The following RET variants were observed in gnomAD, a reference collection of about 807,000 sequenced individuals.
RET encodes ret proto-oncogene.
In RET, 19 loss-of-function variants were observed where a neutral mutation model predicts 118.3. The observed-to-expected ratio is 0.16, with a 90% CI of 0.11 to 0.24. The LOEUF (loss-of-function observed/expected upper bound fraction) is 0.24. Among genes scored for constraint, RET ranks in the 10% least tolerant of loss-of-function variants. RET has a pLI of 1.00. For missense variants in RET, 1,219 were observed against 1,502.1 expected (o/e 0.81, Z 3.12); for synonymous variants, 597 against 644.1 (o/e 0.93, Z 1.11).
chr10:43,123,912 TG>T lies in RET; in HGVS notation c.2939+110del, dbSNP rs201104591. 73,077 of 1,551,894 alleles carry T rather than the reference TG, an allele frequency of 0.047. 2,107 individuals are homozygous for T. Among genetic ancestry groups the T allele is most frequent in the South Asian group, 0.093 (8,274 of 88,732 alleles). On this transcript the variant is annotated intron_variant, in intron 17 of 19. Coordinates refer to ENST00000355710, the MANE Select transcript of RET (RefSeq NM_020975.6). Reference sequence around the variant, plus strand: ...CAGCCCCAGGAGAAACCAGGAGAAGTGGGGGGTGGGGAGTGGGCAGGGCAGA... The same window carrying T: ...CAGCCCCAGGAGAAACCAGGAGAAGTGGGGGTGGGGAGTGGGCAGGGCAGA...
In RET at chr10:43,124,934, G is replaced by A. The variant is rs1564501216; in HGVS notation, c.2991G>A (p.Val997=). ...AGCAGGAGCCGGACAAAAGGCCGGT[G>A]TTTGCGGACATCAGCAAAGACCTGG... ...CWKQEPDKRP[V]FADISKDLEK... Residue 997 remains valine (V), a synonymous_variant, in exon 18 of 20, where the codon GTG becomes GTA. Transcript: ENST00000355710. 2.5e-6 allele frequency: 4 copies of A among 1,614,232 alleles called. No homozygotes were observed. Among genetic ancestry groups the A allele is most frequent in the Non-Finnish European group, 1.7e-6 (2 of 1,180,042 alleles).
rs1838339827 is a variant in RET at position 43,126,693 on chromosome 10, C to T, written c.3158C>T (p.Pro1053Leu). The change falls in exon 19 of 20, where the codon CCT (proline) becomes CTT (leucine). Residue 1053 changes from proline to leucine, a missense_variant. Physicochemically the swap from Pro to Leu is moderately conservative, Grantham distance 98. Transcript: ENST00000355710. The part of the protein sequence containing the change: ...CNNAPLPRAL[P>L]STWIENKLYG... The stretch of plus-strand genomic sequence containing the variant: ...AATGCCCCCCTCCCTCGAGCCCTCC[C>T]TTCCACATGGATTGAAAACAAACTC... The T allele has an allele frequency of 1.9e-6, 3 of 1,614,110 alleles. No homozygotes were observed. The highest frequency in any genetic ancestry group is 2.5e-6 in the Non-Finnish European group (3 of 1,180,016).
intron 3 of RET, among the ~76,000 whole-genome samples, chr10:43,104,539 G>T (rs759802305): frequency 6.6e-6 from 1 of 152,158 alleles, no homozygotes; most frequent in Non-Finnish European, 1.5e-5. Flanking sequence ...AGCAGCCAAG[G>T]CCAGTAGCTG....
chr10:43,097,212 G>A (rs921667951), intron 1 of RET, among the ~76,000 whole-genome samples: 4 of 152,158 alleles, frequency 2.6e-5, no homozygotes, highest in Admixed American at 2.6e-4. Context: ...ACCACTAAAG[G>A]TGCTTGCACA....
In RET at chr10:43,126,608, G is replaced by A. The variant is rs2133033949; in HGVS notation, c.3073G>A (p.Asp1025Asn). The change falls in exon 19 of 20, where the codon GAC becomes AAC. Residue 1025 changes from aspartate to asparagine, a missense_variant. Asp to Asn is a conservative substitution (Grantham distance 23). Coordinates refer to ENST00000355710, the MANE Select transcript of RET (RefSeq NM_020975.6). Reference protein sequence around the residue: ...YLDLAASTPSDSLIYDDGLSE... With the variant: ...YLDLAASTPSNSLIYDDGLSE... Reference sequence around the variant, plus strand: ...GGACCTTGCGGCGTCCACTCCATCTGACTCCCTGATTTATGACGACGGCCT... The same window carrying A: ...GGACCTTGCGGCGTCCACTCCATCTAACTCCCTGATTTATGACGACGGCCT... The A allele has an allele frequency of 6.2e-7, 1 of 1,614,160 alleles. No homozygotes were observed. The highest frequency in any genetic ancestry group is 1.1e-5 in the South Asian group (1 of 91,080).
Position 43,114,771 on chromosome 10 carries a change from C to T in RET, c.2136+35C>T, listed in dbSNP as rs1838034141. On this transcript the variant is annotated intron_variant, in intron 11 of 19. Coordinates refer to ENST00000355710, the MANE Select transcript of RET (RefSeq NM_020975.6). This position sits in a 1 kb window ranked among gnomAD's most constrained non-coding sequence, Gnocchi z 4.6. ...CCTGCGGGGCAGGGAAGATCCCCTG[C>T]CCTCCCCAGCTGCCTTCCAGGGAGG... 6.3e-7 allele frequency: 1 copy of T among 1,578,906 alleles called. No individual in the cohort carries two copies. The highest frequency in any genetic ancestry group is 8.6e-7 in the Non-Finnish European group (1 of 1,166,420).
chr10:43,111,538 G>A, intron 7 of RET, 73 bp downstream of exon 7: 1 of 1,515,932 alleles, frequency 6.6e-7, no homozygotes, highest in South Asian at 1.2e-5. Context: ...TGCCCTTTGA[G>A]AAAAGCAGTA....
rs756858300 is a variant in RET at position 43,100,546 on chromosome 10, A to G, written c.161A>G (p.His54Arg). The change falls in exon 2 of 20, where the codon CAT becomes CGT. Residue 54 changes from histidine (H) to arginine (R), a missense_variant. His to Arg is a conservative substitution (Grantham distance 29). This residue lies in a region of RET where 84 missense variants were observed against 163.6 expected (regional missense o/e 0.51). Transcript: ENST00000355710. ...GCCGGCACGCCCTTGCTGTACGTCCATGCCCTGCGGGACGCCCCTGAGGAG... is the reference window on the plus strand; with the variant it reads ...GCCGGCACGCCCTTGCTGTACGTCCGTGCCCTGCGGGACGCCCCTGAGGAG... ...QAAGTPLLYV[H>R]ALRDAPEEVP... The G allele has an allele frequency of 6.2e-7, 1 of 1,613,922 alleles. No homozygotes were observed. Among genetic ancestry groups the G allele is most frequent in the Non-Finnish European group, 8.5e-7 (1 of 1,180,016 alleles).
rs1190189942 is a variant in RET, at chr10:43,111,254, C to T, written c.1311C>T (p.Asn437=). The change falls in exon 7 of 20, where the codon AAC becomes AAT. Residue 437 remains asparagine (N), a synonymous_variant. Transcript: ENST00000355710. ...ACTGCCAGGCATTCAGTGGCATCAACGTCCAGTACAAGCTGCATTCCTCTG... is the reference window on the plus strand; with the variant it reads ...ACTGCCAGGCATTCAGTGGCATCAATGTCCAGTACAAGCTGCATTCCTCTG... ...VENCQAFSGI[N]VQYKLHSSGA... 3.7e-6 allele frequency: 6 copies of T among 1,614,174 alleles called. No homozygotes were observed. The highest frequency in any genetic ancestry group is 2.2e-5 in the East Asian group (1 of 44,886).
At chr10:43,097,330 A>G (rs1837542627) in intron 1 of RET, among the ~76,000 whole-genome samples, 1 of 152,200 alleles carries the variant, frequency 6.6e-6, no homozygotes, top group Non-Finnish European at 1.5e-5. Context: ...GGGCATCACC[A>G]GAGCCACCCC....
chr10:43,129,850 CTGTT>C lies in RET; in HGVS notation c.*1583_*1586del. ...ACACGTAACCTGGCTCTAATTTGGGCTGTTTTTCAGATACACTGTGATAAGTTCT... is the reference window on the plus strand; with the variant it reads ...ACACGTAACCTGGCTCTAATTTGGGCTTTCAGATACACTGTGATAAGTTCT... On this transcript the variant is annotated 3_prime_UTR_variant, in exon 20 of 20. Coordinates refer to ENST00000355710, the MANE Select transcript of RET (RefSeq NM_020975.6). 1 of 396,292 alleles carries C rather than the reference CTGTT, an allele frequency of 2.5e-6. No individual in the cohort carries two copies. The highest frequency in any genetic ancestry group is 1.3e-4 in the South Asian group (1 of 7,414). The allele number at this position is 396,292 out of a possible 1,614,324, so 24.5% of individuals were successfully genotyped here.
chr10:43,085,940 T>C (rs2132553911), intron 1 of RET, among the ~76,000 whole-genome samples: 1 of 152,270 alleles, frequency 6.6e-6, no homozygotes, highest in African/African-American at 2.4e-5. Flanking sequence ...AAACCTACTG[T>C]CTCAGAGGCT....
At chr10:43,125,048 G>A in intron 18 of RET, 66 bp downstream of exon 18, 3 of 1,481,448 alleles carry the variant, frequency 2.0e-6, no homozygotes, top group South Asian at 2.3e-5. Context: ...CTCACCCCAG[G>A]GCAGTAGTTT....
At chr10:43,105,752 C>T (rs1837758591) in intron 4 of RET, among the ~76,000 whole-genome samples, 2 of 152,100 alleles carry the variant, frequency 1.3e-5, no homozygotes, top group Admixed American at 1.3e-4. Context: ...TGCCTTGTTC[C>T]GCTTCTCTGG....
intron 1 of RET, among the ~76,000 whole-genome samples, chr10:43,094,199 G>T (rs1007171607): frequency 6.6e-6 from 1 of 151,934 alleles, no homozygotes; most frequent in African/African-American, 2.4e-5. Context: ...GGCGGGGACC[G>T]CCTCTTTCCA....
At chr10:43,111,084 G>C in intron 6 of RET, 123 bp from the exon 7 acceptor site, 1 of 1,388,226 alleles carries the variant, frequency 7.2e-7, no homozygotes, top group Non-Finnish European at 1.0e-6. Flanking sequence ...GCTCGGGGGG[G>C]CTGCTGTCTC....
chr10:43,096,441 C>T (rs1837524260), intron 1 of RET, among the ~76,000 whole-genome samples: 2 of 152,198 alleles, frequency 1.3e-5, no homozygotes, highest in Non-Finnish European at 2.9e-5. Flanking sequence ...TCAGGCTTCT[C>T]GCCACCCAGC....
At position 43,121,986 on chromosome 10, in the gene RET, T is replaced by A. The variant is rs1838228352; in HGVS notation, c.2771T>A (p.Phe924Tyr). The change falls in exon 16 of 20, where the codon TTT becomes TAT. Residue 924 changes from phenylalanine (F) to tyrosine (Y), a missense_variant. This residue lies in a region of RET where 73 missense variants were observed against 156.5 expected (regional missense o/e 0.47). Transcript: ENST00000355710. ...AAATGGATGGCAATTGAATCCCTTTTTGATCATATCTACACCACGCAAAGT... is the reference window on the plus strand; with the variant it reads ...AAATGGATGGCAATTGAATCCCTTTATGATCATATCTACACCACGCAAAGT... ...PVKWMAIESL[F>Y]DHIYTTQSDV... 6.2e-7 allele frequency: 1 copy of A among 1,613,804 alleles called. No individual in the cohort carries two copies. The highest frequency in any genetic ancestry group is 8.5e-7 in the Non-Finnish European group (1 of 1,179,804).
chr10:43,087,471 A>G (rs541584635), intron 1 of RET, among the ~76,000 whole-genome samples: 12 of 152,374 alleles, frequency 7.9e-5, no homozygotes, highest in Admixed American at 6.5e-4. Flanking sequence ...TGAGCTGTCC[A>G]TCATCTGCAG....
Sources: allele counts gnomAD v4.1 joint callset (sites outside exome capture counted in the v4.1 genomes callset), GRCh38; gene constraint gnomAD v4.1.1; regional missense constraint gnomAD v4.1.1; non-coding constraint Gnocchi (gnomAD v3.1); transcripts MANE v1.5; gene names NCBI Gene and HGNC (gene_info 2026-07-23, HGNC 2026-07-21).